BCOR: variants seen among roughly 807,000 people sequenced by gnomAD.
The protein encoded by BCOR is BCL-6 corepressor.
In BCOR, 10 loss-of-function variants were observed where a neutral mutation model predicts 86.7. That is an observed-to-expected ratio of 0.12 (90% CI 0.07 to 0.20). The LOEUF is 0.20. Ranked by LOEUF, BCOR falls within the 10% of genes least tolerant of loss-of-function variation. BCOR has a pLI of 1.00. For synonymous variants in BCOR, 611 were observed against 609.0 expected, an observed-to-expected ratio of 1.00 and a Z score of -0.05; for missense variants, 1,259 against 1,452.1, an observed-to-expected ratio of 0.87 and a Z score of 2.16.
chrX:40,130,132 C>A (rs1437983641), intron 1 of BCOR, among the ~76,000 whole-genome samples: 1 of 111,930 alleles, frequency 8.9e-6, no homozygotes, highest in Non-Finnish European at 1.9e-5. Flanking sequence ...CCAGCAACTC[C>A]CTATGCACCT....
At chrX:40,155,845 G>C (rs1228134710) in intron 1 of BCOR, among the ~76,000 whole-genome samples, 1 of 113,077 alleles carries the variant, frequency 8.8e-6, no homozygotes, top group Non-Finnish European at 1.9e-5. Flanking sequence ...ACTCGCGGCT[G>C]GGGTGGGGAG....
At chrX:40,159,960 C>A (rs1337835267) in intron 1 of BCOR, among the ~76,000 whole-genome samples, 1 of 112,312 alleles carries the variant, frequency 8.9e-6, no homozygotes, top group Non-Finnish European at 1.9e-5. Flanking sequence ...TTTGGCTCAG[C>A]AATGAATGAT....
chrX:40,097,815 T>TCCG lies in BCOR; in HGVS notation c.-644_-642dup, dbSNP rs1436572611. Among the ~76,000 whole-genome samples the TCCG allele has an allele frequency of 1.9e-5, 2 of 106,040 alleles. No individual in the cohort carries two copies. Among genetic ancestry groups the TCCG allele is most frequent in the African/African-American group, 6.9e-5 (2 of 28,946 alleles). The allele number at this position is 106,040 out of a possible 115,157, so 92.1% of individuals were successfully genotyped here. On this transcript the variant is annotated 5_prime_UTR_variant, in exon 1 of 15. Transcript: ENST00000378444. ...CGCCCGGCGGCTCGCGGGCTCCCCC[T>TCCG]CCGCCGCCGCCGCCCGCCTAGCTCC...
chrX:40,085,119 G>C (rs989934994), intron 1 of BCOR, among the ~76,000 whole-genome samples: 3 of 113,225 alleles, frequency 2.6e-5, no homozygotes, highest in Non-Finnish European at 5.6e-5. Context: ...AAAATGCCCC[G>C]AACAGCGCTG....
At chrX:40,169,071 TAC>T (rs1339193542) in intron 1 of BCOR, among the ~76,000 whole-genome samples, 4 of 112,659 alleles carry the variant, frequency 3.6e-5, no homozygotes, top group Non-Finnish European at 7.5e-5. Context: ...TGCCATTCAG[TAC>T]ACATTTATCG....
intron 11 of BCOR, 79 bp from the exon 12 acceptor site, chrX:40,055,592 C>T (rs1934552759): frequency 3.6e-6 from 4 of 1,116,653 alleles, no homozygotes; most frequent in Non-Finnish European, 4.9e-6. Context: ...TTAAAAGCAA[C>T]AGGCAAAGCT....
rs1291797695 is a variant in BCOR, at chrX:40,057,282, C to T, written c.4468G>A (p.Val1490Ile). Residue 1490 changes from valine to isoleucine, a missense_variant, in exon 11 of 15, where the codon GTA becomes ATA. Val to Ile is a conservative substitution (Grantham distance 29). Coordinates refer to ENST00000378444, the MANE Select transcript of BCOR (RefSeq NM_001123385.2). ...LYCLENKICDVNHRDNAGYCA... is the reference protein window; with the variant it reads ...LYCLENKICDINHRDNAGYCA... ...TAACCTGCGTTGTCCCGATGATTTACATCACAAATCTTGTTCTCTAAGCAG... is the reference window on the plus strand; with the variant it reads ...TAACCTGCGTTGTCCCGATGATTTATATCACAAATCTTGTTCTCTAAGCAG... 1 of 1,210,624 alleles carries T rather than the reference C, an allele frequency of 8.3e-7. No individual in the cohort carries two copies. The highest frequency in any genetic ancestry group is 1.1e-6 in the Non-Finnish European group (1 of 895,245).
At chrX:40,126,751 A>T (rs1387753425) in intron 1 of BCOR, among the ~76,000 whole-genome samples, 2 of 108,179 alleles carry the variant, frequency 1.8e-5, no homozygotes, top group Non-Finnish European at 3.8e-5. Flanking sequence ...GCTACCCAGG[A>T]GGCTGAGATG....
intron 1 of BCOR, among the ~76,000 whole-genome samples, chrX:40,132,525 C>T (rs1206098692): frequency 1.8e-5 from 2 of 111,493 alleles, no homozygotes; most frequent in African/African-American, 6.5e-5. Flanking sequence ...TTGACCTACC[C>T]GCTTCGGCCT....
intron 1 of BCOR, among the ~76,000 whole-genome samples, chrX:40,145,846 C>A (rs1267803753): frequency 8.9e-6 from 1 of 111,888 alleles, no homozygotes; most frequent in Non-Finnish European, 1.9e-5. Flanking sequence ...GGGTCTGGGA[C>A]CATTCGCAAC....
At chrX:40,103,825 C>T (rs1356029912) in intron 1 of BCOR, among the ~76,000 whole-genome samples, 1 of 111,871 alleles carries the variant, frequency 8.9e-6, no homozygotes, top group Admixed American at 9.5e-5. Flanking sequence ...GATAAGATAA[C>T]GCTAAGCTGG....
intron 2 of BCOR, chrX:40,076,908 A>T (rs1935833302): frequency 3.0e-6 from 1 of 328,672 alleles, no homozygotes; most frequent in African/African-American, 2.6e-5. Flanking sequence ...GAGGGTAGAC[A>T]TGAAGTGGTA....
At position 40,062,738 on chromosome X, in the gene BCOR, A is replaced by G. The variant is rs1214513184; in HGVS notation, c.4173+8T>C. 5 of 1,206,204 alleles carry G rather than the reference A, an allele frequency of 4.1e-6. No individual in the cohort carries two copies. Among genetic ancestry groups the G allele is most frequent in the Non-Finnish European group, 5.6e-6 (5 of 892,614 alleles). On this transcript the variant is annotated splice_region_variant and intron_variant, in intron 9 of 14. Transcript: ENST00000378444. ...AGGCCCCAGAGGGAAGCCGGGGTCA[A>G]GAGGTACCTTGCCATCGGCATTCTC... is the stretch of plus-strand genomic sequence containing the variant.
intron 1 of BCOR, among the ~76,000 whole-genome samples, chrX:40,165,141 C>T (rs915398423): frequency 9.0e-5 from 10 of 111,572 alleles, no homozygotes; most frequent in African/African-American, 3.3e-4. Context: ...AGCCAGGGAA[C>T]AGGCAAAAAT....
chrX:40,170,627 C>G (rs776536396), intron 1 of BCOR, among the ~76,000 whole-genome samples: 2 of 111,986 alleles, frequency 1.8e-5, no homozygotes, highest in East Asian at 5.6e-4. Context: ...GGATTACAAG[C>G]GTGAGCCACC....
chrX:40,106,536 GCCCGCGCTCCCGCCTCCCGCCCTC>G (rs1247452668), intron 1 of BCOR, among the ~76,000 whole-genome samples: 82 of 100,319 alleles, frequency 8.2e-4, no homozygotes, highest in Middle Eastern at 5.1e-3. Context: ...CCCCTCCCCC[GCCCGCGCTCCCGCCTCCCGCCCTC>G]CCCGCGCTCC....
intron 1 of BCOR, among the ~76,000 whole-genome samples, chrX:40,143,683 G>A (rs986496207): frequency 1.8e-4 from 20 of 113,137 alleles, no homozygotes; most frequent in African/African-American, 5.8e-4. Flanking sequence ...TTGGCCAGGC[G>A]TGGTGGCTCA....
intron 1 of BCOR, among the ~76,000 whole-genome samples, chrX:40,172,405 TG>T (rs1218997768): frequency 8.9e-6 from 1 of 112,268 alleles, no homozygotes; most frequent in Non-Finnish European, 1.9e-5. Context: ...GCGCAGACCT[TG>T]GGGGGAAAGA....
chrX:40,072,259 G>T, intron 4 of BCOR, 90 bp downstream of exon 4: 1 of 965,585 alleles, frequency 1.0e-6, no homozygotes, highest in Non-Finnish European at 1.4e-6. Context: ...TCTGCCTGGT[G>T]CCCTGCCCTA....
Sources: gnomAD v4.1 joint callset for allele counts (sites outside exome capture counted in the v4.1 genomes callset) on GRCh38, gnomAD v4.1.1 for gene constraint, MANE v1.5 for transcripts, NCBI Gene and HGNC (gene_info 2026-07-23, HGNC 2026-07-21) for gene names.